Variants in SGK3 observed in about 807,000 individuals in gnomAD.
SGK3 encodes serum/glucocorticoid regulated kinase family member 3, also known as serine/threonine-protein kinase Sgk3.
SGK3 carries 47 observed loss-of-function variants against 68.5 expected under a neutral mutation model. The ratio of observed to expected loss-of-function variants is 0.69; its 90% CI spans 0.54 to 0.87. The LOEUF (loss-of-function observed/expected upper bound fraction) is 0.87. SGK3 is among the 40% of genes least tolerant of loss of function. The pLI, the probability that SGK3 is intolerant of heterozygous loss-of-function variation, is 0.00. For missense variants in SGK3, 479 were observed against 575.5 expected (o/e 0.83, Z 1.72); for synonymous variants, 181 against 189.1 (o/e 0.96, Z 0.35).
rs1046208819 is a variant in SGK3 at position 66,860,684 on chromosome 8, T to C, written c.*1103T>C. On this transcript the variant is annotated 3_prime_UTR_variant, in exon 17 of 17. Transcript: ENST00000521198. ...ACAAATACATTATATTTATGTTCTA[T>C]TCATCTTTTGAATGTTTAGTATGCT... The C allele has an allele frequency of 2.0e-5, 3 of 152,218 alleles. No homozygotes were observed. The highest frequency in any genetic ancestry group is 4.8e-5 in the African/African-American group (2 of 41,454). 9.4% of individuals were successfully genotyped at this position (152,218 alleles called of 1,614,324 possible).
At chr8:66,823,771 A>T (rs573715331) in intron 6 of SGK3, among the ~76,000 whole-genome samples, 1 of 152,318 alleles carries the variant, frequency 6.6e-6, no homozygotes, top group South Asian at 2.1e-4. Context: ...TGTTTTCAAC[A>T]TTTACCATTC....
chr8:66,850,735 G>A (rs540916269), intron 15 of SGK3, 96 bp from the exon 16 acceptor site: 63 of 1,186,136 alleles, frequency 5.3e-5, no homozygotes, highest in Non-Finnish European at 5.7e-5. Flanking sequence ...AGTTATTGAG[G>A]GGCAAAATAG....
At chr8:66,756,954 C>A (rs1805996470) in intron 1 of SGK3, among the ~76,000 whole-genome samples, 1 of 151,942 alleles carries the variant, frequency 6.6e-6, no homozygotes, top group South Asian at 2.1e-4. Flanking sequence ...TTATTGATGA[C>A]CCAGTCTCCC....
chr8:66,839,904 C>T, intron 10 of SGK3, 99 bp from the exon 11 acceptor site: 1 of 1,136,928 alleles, frequency 8.8e-7, no homozygotes, highest in Non-Finnish European at 1.2e-6. Context: ...TAACAAAGAA[C>T]AATTCCTACC....
chr8:66,853,538 AT>A (rs1221910374), intron 16 of SGK3, among the ~76,000 whole-genome samples: 1 of 152,156 alleles, frequency 6.6e-6, no homozygotes, highest in African/African-American at 2.4e-5. Context: ...AAGCTTCAGT[AT>A]TTCTATGATG....
chr8:66,715,073 G>C (rs1804593461), intron 1 of SGK3, among the ~76,000 whole-genome samples: 1 of 152,170 alleles, frequency 6.6e-6, no homozygotes, highest in Non-Finnish European at 1.5e-5. Flanking sequence ...ATCTAATACA[G>C]CACATTTTCT....
At chr8:66,800,503 A>G (rs1268302474) in intron 3 of SGK3, among the ~76,000 whole-genome samples, 2 of 151,256 alleles carry the variant, frequency 1.3e-5, no homozygotes, top group African/African-American at 4.9e-5. Context: ...GAATAAATAT[A>G]TGCCTGTGGG....
chr8:66,794,662 CT>C (rs1409262584), intron 2 of SGK3, among the ~76,000 whole-genome samples: 1 of 152,160 alleles, frequency 6.6e-6, no homozygotes, highest in African/African-American at 2.4e-5. Context: ...CTTCTACTTT[CT>C]TTCTCTTACT....
At chr8:66,806,168 CAG>C (rs1284620089) in intron 4 of SGK3, among the ~76,000 whole-genome samples, 1 of 151,700 alleles carries the variant, frequency 6.6e-6, no homozygotes, top group Non-Finnish European at 1.5e-5. Flanking sequence ...TGGTTACATA[CAG>C]AGTTTTTTTT....
Position 66,828,710 on chromosome 8 carries a change from T to C in SGK3, c.467+7T>C, listed in dbSNP as rs768708899. ...GACCGTCTGGAAATCCTCAGTATGT[T>C]TAATTTGCTTCAAACAATTTTTTAA... On this transcript the variant is annotated splice_region_variant and intron_variant, in intron 7 of 16. Transcript: ENST00000521198. 3.1e-5 allele frequency: 50 copies of C among 1,613,812 alleles called. No homozygotes were observed. The highest frequency in any genetic ancestry group is 3.9e-5 in the Non-Finnish European group (46 of 1,180,006).
At chr8:66,842,086 C>T (rs1429471586) in intron 13 of SGK3, among the ~76,000 whole-genome samples, 1 of 151,982 alleles carries the variant, frequency 6.6e-6, no homozygotes, top group Non-Finnish European at 1.5e-5. Context: ...GTTTTTCCTT[C>T]TTTTTTCTGT....
chr8:66,772,662 G>A (rs112374941), intron 1 of SGK3, among the ~76,000 whole-genome samples: 9 of 151,546 alleles, frequency 5.9e-5, no homozygotes, highest in East Asian at 1.9e-4. Flanking sequence ...CCGGGTTCAC[G>A]CCATTCTCCT....
At chr8:66,807,514 G>A (rs1158321618) in intron 4 of SGK3, among the ~76,000 whole-genome samples, 9 of 152,244 alleles carry the variant, frequency 5.9e-5, no homozygotes, top group East Asian at 3.9e-4. Context: ...TCTATCCTGC[G>A]TATATTTAAT....
At chr8:66,762,795 G>A (rs1230463234) in intron 1 of SGK3, among the ~76,000 whole-genome samples, 2 of 152,020 alleles carry the variant, frequency 1.3e-5, no homozygotes, top group East Asian at 1.9e-4. Flanking sequence ...AGGTCATTTA[G>A]CCTGTAGGAT....
At chr8:66,776,621 T>A (rs1205337175) in intron 1 of SGK3, among the ~76,000 whole-genome samples, 1 of 152,194 alleles carries the variant, frequency 6.6e-6, no homozygotes, top group Non-Finnish European at 1.5e-5. Context: ...GCTCTGCTGA[T>A]CAACAAAGTA....
At chr8:66,759,369 C>T (rs1367781891) in intron 1 of SGK3, among the ~76,000 whole-genome samples, 1 of 151,646 alleles carries the variant, frequency 6.6e-6, no homozygotes, top group Non-Finnish European at 1.5e-5. Flanking sequence ...ACAGGCCAGG[C>T]GTGAGCCACT....
At chr8:66,748,491 T>C (rs996571492) in intron 1 of SGK3, among the ~76,000 whole-genome samples, 4 of 152,154 alleles carry the variant, frequency 2.6e-5, no homozygotes, top group East Asian at 1.9e-4. Flanking sequence ...TTCCTTCTTA[T>C]GTTAATGCAC....
chr8:66,718,770 C>T (rs185307640), intron 1 of SGK3, among the ~76,000 whole-genome samples: 81 of 152,060 alleles, frequency 5.3e-4, no homozygotes, highest in African/African-American at 1.6e-3. Context: ...TCAGATAATC[C>T]GCCCACCTCA....
chr8:66,723,074 G>C (rs1287360187), intron 1 of SGK3, among the ~76,000 whole-genome samples: 1 of 104,408 alleles, frequency 9.6e-6, no homozygotes, highest in African/African-American at 3.6e-5. Flanking sequence ...TAAACATTCA[G>C]AAGTAAGATT....
Sources: gnomAD v4.1 joint callset for allele counts (sites outside exome capture counted in the v4.1 genomes callset) on GRCh38, gnomAD v4.1.1 for gene constraint, MANE v1.5 for transcripts, NCBI Gene and HGNC (gene_info 2026-07-23, HGNC 2026-07-21) for gene names.